Variants in IL1RAPL2 observed in about 807,000 individuals in gnomAD.
The protein encoded by IL1RAPL2 is X-linked interleukin-1 receptor accessory protein-like 2.
IL1RAPL2 carries 3 observed loss-of-function variants against 44.1 expected under a neutral mutation model. The ratio of observed to expected loss-of-function variants is 0.07; its 90% CI spans 0.03 to 0.18. IL1RAPL2 has a LOEUF of 0.18. Ranked by LOEUF, IL1RAPL2 falls within the 10% of genes least tolerant of loss-of-function variation. The pLI is 1.00. For synonymous variants in IL1RAPL2, 181 were observed against 178.8 expected (o/e 1.01, Z -0.10); for missense variants, 391 against 496.4 (o/e 0.79, Z 2.02).
intron 5 of IL1RAPL2, among the ~76,000 whole-genome samples, chrX:105,282,826 C>G (rs1356809029): frequency 9.0e-6 from 1 of 111,568 alleles, no homozygotes; most frequent in Non-Finnish European, 1.9e-5. Context: ...ACATCATAGT[C>G]TCACCATAAA....
At chrX:104,752,676 G>A (rs1932279638) in intron 2 of IL1RAPL2, among the ~76,000 whole-genome samples, 1 of 110,677 alleles carries the variant, frequency 9.0e-6, no homozygotes, top group African/African-American at 3.3e-5. Context: ...TATGGAGCAA[G>A]TAAATGTAAC....
At chrX:105,757,906 T>C in intron 10 of IL1RAPL2, among the ~76,000 whole-genome samples, 1 of 111,785 alleles carries the variant, frequency 8.9e-6, no homozygotes, top group Middle Eastern at 4.6e-3. Context: ...TAGCATGCAT[T>C]CAGGAAGTCA....
In IL1RAPL2 at chrX:105,661,780, C is replaced by G. The variant is rs1468606455; in HGVS notation, c.773-55587C>G. On this transcript the variant is annotated intron_variant, in intron 6 of 10. Transcript: ENST00000372582. ...TTGAAAGCCATTCTGCATTCTTTTT[C>G]TACTTCCCAGTTGACACTGGAGTTG... is the stretch of plus-strand genomic sequence containing the variant. Among the ~76,000 whole-genome samples the G allele has an allele frequency of 2.7e-5, 3 of 112,514 alleles. No homozygotes were observed. The East Asian group carries it at 8.4e-4, about 31-fold the overall frequency.
intron 2 of IL1RAPL2, among the ~76,000 whole-genome samples, chrX:104,843,712 A>G (rs759779485): frequency 6.5e-5 from 7 of 108,358 alleles, no homozygotes; most frequent in African/African-American, 1.7e-4. Flanking sequence ...CTTGCTCTCC[A>G]TGAGTTGCAC....
Position 105,755,259 on chromosome X carries a change from G to C in IL1RAPL2, c.1275G>C (p.Gln425His), listed in dbSNP as rs778027331. The C allele has an allele frequency of 6.6e-5, 79 of 1,189,805 alleles. No individual in the cohort carries two copies. The highest frequency in any genetic ancestry group is 8.7e-5 in the Non-Finnish European group (76 of 876,765). ...TLDCDNPEEE[Q>H]FALEVLPDVL... is the part of the protein sequence containing the mutation. ...ACTGTGACAATCCTGAAGAAGAGCA[G>C]TTTGCTCTTGAAGTACTGCCAGATG... Residue 425 changes from glutamine to histidine, a missense_variant, in exon 10 of 11, where the codon CAG becomes CAC. This residue lies in a region of IL1RAPL2 where 232 missense variants were observed against 244.8 expected (regional missense o/e 0.95). Transcript: ENST00000372582.
chrX:104,991,126 C>T (rs373910509), intron 2 of IL1RAPL2, among the ~76,000 whole-genome samples: 57 of 111,546 alleles, frequency 5.1e-4, no homozygotes, highest in Middle Eastern at 9.3e-3. Context: ...TACTCATATA[C>T]CTCCTTACTG....
chrX:105,723,914 C>T (rs916900757), intron 7 of IL1RAPL2, among the ~76,000 whole-genome samples: 1 of 111,871 alleles, frequency 8.9e-6, no homozygotes, highest in Non-Finnish European at 1.9e-5. Context: ...AGACCACAAA[C>T]ATTTAGACCA....
At chrX:104,617,900 C>A (rs1929310443) in intron 1 of IL1RAPL2, among the ~76,000 whole-genome samples, 1 of 111,652 alleles carries the variant, frequency 9.0e-6, no homozygotes, top group Non-Finnish European at 1.9e-5. Context: ...ATCCTTTGAT[C>A]ATGTCACTAC....
chrX:105,170,500 T>C (rs2033414044), intron 2 of IL1RAPL2, among the ~76,000 whole-genome samples: 1 of 111,847 alleles, frequency 8.9e-6, no homozygotes, highest in South Asian at 3.7e-4. Flanking sequence ...TGTTAGATAC[T>C]GTTTGTTCTA....
At position 105,148,702 on chromosome X, in the gene IL1RAPL2, A is replaced by G. The variant is rs148428942; in HGVS notation, c.83-46773A>G. On this transcript the variant is annotated intron_variant, in intron 2 of 10. Transcript: ENST00000372582. The stretch of plus-strand genomic sequence containing the variant: ...CCTTGAATAGCAAGAAAATTATCAT[A>G]GGTCTTGCTATTATCTCAATATTTG... Among the ~76,000 whole-genome samples, 94 of 111,860 alleles carry G rather than the reference A, an allele frequency of 8.4e-4. No homozygotes were observed. The East Asian group carries it at 0.023, about 28-fold the overall frequency.
intron 6 of IL1RAPL2, among the ~76,000 whole-genome samples, chrX:105,679,276 AT>A (rs1287706979): frequency 1.8e-5 from 2 of 111,978 alleles, no homozygotes; most frequent in Non-Finnish European, 3.8e-5. Flanking sequence ...TAGGGGGAAC[AT>A]AACTAGCTCT....
At chrX:105,312,390 A>G (rs770442034) in intron 5 of IL1RAPL2, among the ~76,000 whole-genome samples, 8 of 111,695 alleles carry the variant, frequency 7.2e-5, no homozygotes, top group East Asian at 2.8e-4. Flanking sequence ...AGTAATGTCA[A>G]TTCCTCAAAA....
At chrX:104,941,927 G>T (rs1298173936) in intron 2 of IL1RAPL2, among the ~76,000 whole-genome samples, 1 of 111,695 alleles carries the variant, frequency 9.0e-6, no homozygotes, top group East Asian at 2.8e-4. Flanking sequence ...TGGCTAGCCA[G>T]TTTTCCCAGC....
At chrX:105,105,221 A>C (rs759238658) in intron 2 of IL1RAPL2, among the ~76,000 whole-genome samples, 6 of 112,096 alleles carry the variant, frequency 5.4e-5, no homozygotes, top group African/African-American at 1.6e-4. Flanking sequence ...ACTACTACTA[A>C]TAATAATGAT....
intron 6 of IL1RAPL2, among the ~76,000 whole-genome samples, chrX:105,615,830 C>T (rs979579910): frequency 1.9e-4 from 21 of 111,848 alleles, no homozygotes; most frequent in Non-Finnish European, 3.2e-4. Context: ...AAAAGAGTAT[C>T]GTTGGATTGT....
At chrX:105,491,426 T>A (rs200367434) in intron 6 of IL1RAPL2, among the ~76,000 whole-genome samples, 1 of 111,820 alleles carries the variant, frequency 8.9e-6, no homozygotes, top group African/African-American at 3.3e-5. Flanking sequence ...AGGGATTTTT[T>A]AAATTTTTTA....
At chrX:105,333,223 T>C (rs1206732948) in intron 5 of IL1RAPL2, among the ~76,000 whole-genome samples, 1 of 110,915 alleles carries the variant, frequency 9.0e-6, no homozygotes, top group East Asian at 2.8e-4. Context: ...ACGCCTACAG[T>C]GAACTTATTT....
At chrX:105,436,803 G>T (rs1300662999) in intron 5 of IL1RAPL2, among the ~76,000 whole-genome samples, 1 of 110,088 alleles carries the variant, frequency 9.1e-6, no homozygotes, top group Non-Finnish European at 1.9e-5. Context: ...AATTTTGGAG[G>T]TTGTATAAGA....
At chrX:105,747,474 CTCTCTCTGTGTGTGTGTATGTGTGTGTG>C (rs1164300422) in intron 8 of IL1RAPL2, among the ~76,000 whole-genome samples, 1 of 76,411 alleles carries the variant, frequency 1.3e-5, no homozygotes, top group East Asian at 4.3e-4. Flanking sequence ...CTCTCTCTCT[CTCTCTCTGTGTGTGTGTATGTGTGTGTG>C]TGTGTGTGTG....
Sources: allele counts gnomAD v4.1 joint callset (sites outside exome capture counted in the v4.1 genomes callset), GRCh38; gene constraint gnomAD v4.1.1; regional missense constraint gnomAD v4.1.1; transcripts MANE v1.5; gene names NCBI Gene and HGNC (gene_info 2026-07-23, HGNC 2026-07-21).